SWT1: variants seen among roughly 807,000 people sequenced by gnomAD.
The protein encoded by SWT1 is SWT1 RNA endoribonuclease homolog, also known as transcriptional protein SWT1.
A neutral mutation model predicts 107.3 loss-of-function variants in SWT1; 33 were observed. The observed-to-expected ratio is 0.31, with a 90% CI of 0.23 to 0.41. The LOEUF (loss-of-function observed/expected upper bound fraction) is 0.41, where lower values mean the gene tolerates loss of function less well. Among genes scored for constraint, SWT1 ranks in the 10% least tolerant of loss-of-function variants. SWT1 has a pLI of 1.00. For missense variants in SWT1, 898 were observed against 1,028.9 expected (o/e 0.87, Z 1.74); for synonymous variants, 345 against 348.3 (o/e 0.99, Z 0.11).
At chr1:185,208,995 A>T (rs1469981691) in intron 13 of SWT1, among the ~76,000 whole-genome samples, 1 of 152,184 alleles carries the variant, frequency 6.6e-6, no homozygotes, top group African/African-American at 2.4e-5. Context: ...AGTTTTTTCA[A>T]GAACGTCTTA....
chr1:185,166,401 T>A (rs899655172), intron 2 of SWT1, among the ~76,000 whole-genome samples, 171 bp from the exon 3 acceptor site: 1 of 152,230 alleles, frequency 6.6e-6, no homozygotes, highest in African/African-American at 2.4e-5. Context: ...TGGCTTCTAG[T>A]TGAATCTCCC....
rs762890762 is a variant in SWT1 at position 185,290,688 on chromosome 1, T to C, written c.2588T>C (p.Ile863Thr). 4 of 1,577,846 alleles carry C rather than the reference T, an allele frequency of 2.5e-6. No individual in the cohort carries two copies. Among genetic ancestry groups the C allele is most frequent in the South Asian group, 2.4e-5 (2 of 84,390 alleles). ...SQTEYREKLTIGCRQLVEMEY... is the reference protein window; with the variant it reads ...SQTEYREKLTTGCRQLVEMEY... ...TTTTCTCCTAGGGAAAAGTTAACCA[T>C]TGGATGCCGCCAGCTGGTTGAGATG... The change falls in exon 19 of 19, where the codon ATT becomes ACT. Residue 863 changes from isoleucine (I) to threonine (T), a missense_variant. Around this residue, in one of 6 missense-constraint regions of SWT1, gnomAD observed 382 missense variants for 460.0 expected, o/e 0.83. Coordinates refer to ENST00000367500, the MANE Select transcript of SWT1 (RefSeq NM_017673.7).
intron 16 of SWT1, among the ~76,000 whole-genome samples, chr1:185,269,671 T>TTA (rs563136223): frequency 1.4e-3 from 215 of 152,324 alleles, no homozygotes; most frequent in African/African-American, 4.9e-3. Flanking sequence ...AGTGTTGTAA[T>TTA]TAAAAGCCAT....
At chr1:185,178,723 C>T (rs977232755) in intron 5 of SWT1, among the ~76,000 whole-genome samples, 1 of 152,090 alleles carries the variant, frequency 6.6e-6, no homozygotes, top group Non-Finnish European at 1.5e-5. Flanking sequence ...TGTTAATAAT[C>T]TCTGGCTTGT....
Position 185,174,580 on chromosome 1 carries a change from G to C in SWT1, c.433G>C (p.Asp145His). The C allele has an allele frequency of 6.2e-7, 1 of 1,608,268 alleles. No homozygotes were observed. The highest frequency in any genetic ancestry group is 1.1e-5 in the South Asian group (1 of 89,428). Residue 145 changes from aspartate (D) to histidine (H), a missense_variant, in exon 5 of 19, where the codon GAC becomes CAC. By Grantham distance (81) the Asp-to-His change is moderately conservative (BLOSUM62 -1). Around this residue, in one of 6 missense-constraint regions of SWT1, gnomAD observed 382 missense variants for 362.4 expected, o/e 1.05. Transcript: ENST00000367500. ...ATTGACAAATGCTGGGAGCAAGCTT[G>C]ACCATGGAATTAAAAGCCTTAGTAG... ...IKLTNAGSKL[D>H]HGIKSLSSPK...
intron 16 of SWT1, among the ~76,000 whole-genome samples, chr1:185,242,699 A>G (rs1661333172): frequency 6.6e-6 from 1 of 152,292 alleles, no homozygotes; most frequent in East Asian, 1.9e-4. Flanking sequence ...GAAGACAACA[A>G]ATATTTTAAC....
At chr1:185,217,061 G>A (rs1659278130) in intron 14 of SWT1, among the ~76,000 whole-genome samples, 2 of 152,144 alleles carry the variant, frequency 1.3e-5, no homozygotes, top group South Asian at 2.1e-4. Context: ...TCATGAAGGC[G>A]AGTAGCAAAG....
intron 17 of SWT1, among the ~76,000 whole-genome samples, chr1:185,275,574 C>T (rs939726821): frequency 2.0e-5 from 3 of 150,672 alleles, no homozygotes; most frequent in Admixed American, 6.6e-5. Flanking sequence ...TAAATAGAGA[C>T]GGGTCTCACT....
At chr1:185,234,420 A>T (rs1013338403) in intron 16 of SWT1, among the ~76,000 whole-genome samples, 1 of 152,086 alleles carries the variant, frequency 6.6e-6, no homozygotes, top group African/African-American at 2.4e-5. Flanking sequence ...TTTATCAGAG[A>T]CTAGGATTGC....
chr1:185,202,724 G>A lies in SWT1; in HGVS notation c.1594G>A (p.Ala532Thr), dbSNP rs1657984658. Reference sequence around the variant, plus strand: ...GTCACTCAGTAAAGAAGAATTGAGTGCAGAGTTATTACACTTATCTCTGAA... The same window carrying A: ...GTCACTCAGTAAAGAAGAATTGAGTACAGAGTTATTACACTTATCTCTGAA... ...VKSLSKEELSAELLHLSLNTD... is the reference protein window; with the variant it reads ...VKSLSKEELSTELLHLSLNTD... Residue 532 changes from alanine (A) to threonine (T), a missense_variant, in exon 11 of 19, where the codon GCA becomes ACA. Physicochemically the swap from Ala to Thr is moderately conservative, Grantham distance 58. Transcript: ENST00000367500. 1 of 1,605,368 alleles carries A rather than the reference G, an allele frequency of 6.2e-7. No homozygotes were observed. Among genetic ancestry groups the A allele is most frequent in the Non-Finnish European group, 8.5e-7 (1 of 1,174,662 alleles).
At chr1:185,268,998 G>T (rs1298762881) in intron 16 of SWT1, among the ~76,000 whole-genome samples, 6 of 151,112 alleles carry the variant, frequency 4.0e-5, no homozygotes, top group Admixed American at 1.3e-4. Context: ...GACTACAGGC[G>T]CCCGCCACTA....
intron 18 of SWT1, among the ~76,000 whole-genome samples, chr1:185,279,177 T>G (rs1179558903): frequency 2.0e-5 from 3 of 152,212 alleles, no homozygotes; most frequent in Non-Finnish European, 4.4e-5. Flanking sequence ...TAATCCACAT[T>G]TAAAATATTG....
chr1:185,218,719 T>A (rs575927758), intron 14 of SWT1, among the ~76,000 whole-genome samples: 1 of 152,346 alleles, frequency 6.6e-6, no homozygotes, highest in Non-Finnish European at 1.5e-5. Flanking sequence ...TTTGCTAAGA[T>A]GATAGAGTAA....
At chr1:185,246,257 C>T (rs1301325742) in intron 16 of SWT1, among the ~76,000 whole-genome samples, 1 of 152,038 alleles carries the variant, frequency 6.6e-6, no homozygotes, top group Non-Finnish European at 1.5e-5. Context: ...CAGATCTATC[C>T]TGATTAGTAT....
chr1:185,197,978 A>G (rs1435862917), intron 10 of SWT1, among the ~76,000 whole-genome samples: 1 of 151,986 alleles, frequency 6.6e-6, no homozygotes, highest in Non-Finnish European at 1.5e-5. Context: ...TTCTTCTGCT[A>G]GCTTTTGAAT....
chr1:185,269,631 G>GT (rs1374917548), intron 16 of SWT1, among the ~76,000 whole-genome samples: 1 of 152,146 alleles, frequency 6.6e-6, no homozygotes, highest in Non-Finnish European at 1.5e-5. Flanking sequence ...ACAGAATCAA[G>GT]TAGTGGCAAG....
intron 16 of SWT1, among the ~76,000 whole-genome samples, chr1:185,248,454 C>T (rs999069927): frequency 6.6e-6 from 1 of 152,128 alleles, no homozygotes; most frequent in Non-Finnish European, 1.5e-5. Context: ...GAATAGAAGT[C>T]CATGTTCAGA....
Position 185,190,631 on chromosome 1 carries a change from T to C in SWT1, c.1512T>C (p.Val504=), listed in dbSNP as rs1571457833. 1.3e-6 allele frequency: 2 copies of C among 1,598,476 alleles called. No individual in the cohort carries two copies. The highest frequency in any genetic ancestry group is 1.7e-4 in the Middle Eastern group (1 of 6,008). ...QHQELFPCSF[V]ILCTDDRNLR... is the part of the protein sequence containing the mutation. ...AGGAATTATTCCCTTGTTCTTTTGT[T>C]ATTCTGTGCACGTGAGTTTCATAGT... The change falls in exon 10 of 19, where the codon GTT becomes GTC. Residue 504 remains valine (V), a synonymous_variant. Coordinates refer to ENST00000367500, the MANE Select transcript of SWT1 (RefSeq NM_017673.7).
chr1:185,233,619 G>C (rs761938956), intron 16 of SWT1, among the ~76,000 whole-genome samples: 1 of 152,184 alleles, frequency 6.6e-6, no homozygotes, highest in Non-Finnish European at 1.5e-5. Flanking sequence ...GGTTTTGAGT[G>C]AGTTTCTTAA....
Sources: allele counts gnomAD v4.1 joint callset (sites outside exome capture counted in the v4.1 genomes callset), GRCh38; gene constraint gnomAD v4.1.1; regional missense constraint gnomAD v4.1.1; transcripts MANE v1.5; gene names NCBI Gene and HGNC (gene_info 2026-07-23, HGNC 2026-07-21).